The following CEMIP variants were observed in gnomAD, a reference collection of about 807,000 sequenced individuals.
The protein encoded by CEMIP is cell migration-inducing and hyaluronan-binding protein.
A neutral mutation model predicts 156.9 loss-of-function variants in CEMIP; 105 were observed. That is an observed-to-expected ratio of 0.67 (90% confidence interval 0.57 to 0.79). The LOEUF (loss-of-function observed/expected upper bound fraction) is 0.79. CEMIP is among the 30% of genes least tolerant of loss of function. The pLI, the probability that CEMIP is intolerant of heterozygous loss-of-function variation, is 0.00. For missense variants in CEMIP, 1,457 were observed against 1,769.4 expected (o/e 0.82, Z 3.17); for synonymous variants, 676 against 668.4 (o/e 1.01, Z -0.17).
intron 1 of CEMIP, among the ~76,000 whole-genome samples, chr15:80,800,316 C>G (rs1896344438): frequency 6.6e-6 from 1 of 152,096 alleles, no homozygotes; most frequent in African/African-American, 2.4e-5. Context: ...CGCCCTCTGT[C>G]TGGGACTGCC....
intron 19 of CEMIP, among the ~76,000 whole-genome samples, chr15:80,927,602 G>A (rs919045251): frequency 1.3e-5 from 2 of 152,218 alleles, no homozygotes; most frequent in African/African-American, 4.8e-5. Context: ...CTGCCAAAGT[G>A]TGTGTGTCTT....
At chr15:80,786,350 C>T (rs188302873) in intron 1 of CEMIP, among the ~76,000 whole-genome samples, 35 of 152,174 alleles carry the variant, frequency 2.3e-4, no homozygotes, top group Admixed American at 1.6e-3. Context: ...GATCCTCAAG[C>T]CCCCCAAGTA....
chr15:80,838,348 A>T (rs1250056080), intron 1 of CEMIP, among the ~76,000 whole-genome samples: 1 of 151,848 alleles, frequency 6.6e-6, no homozygotes, highest in Non-Finnish European at 1.5e-5. Flanking sequence ...CTGCCTCCAG[A>T]ACTGTGGCGA....
At chr15:80,926,427 G>A (rs756221382) in intron 19 of CEMIP, among the ~76,000 whole-genome samples, 8 of 152,150 alleles carry the variant, frequency 5.3e-5, no homozygotes, top group African/African-American at 1.7e-4. Context: ...TGTTAAAAAT[G>A]GGAAATCAGA....
chr15:80,811,657 C>T (rs80230010), intron 1 of CEMIP, among the ~76,000 whole-genome samples: 38,017 of 152,220 alleles, frequency 0.25, 4,920 homozygotes, highest in South Asian at 0.36. Flanking sequence ...CGGAGTCAAA[C>T]GATCCTCCTG....
intron 23 of CEMIP, among the ~76,000 whole-genome samples, chr15:80,934,650 G>A (rs1320692963): frequency 1.3e-5 from 2 of 152,174 alleles, no homozygotes; most frequent in African/African-American, 4.8e-5. Context: ...TTAGAAAGGA[G>A]CTAAATGGTG....
intron 1 of CEMIP, among the ~76,000 whole-genome samples, chr15:80,786,106 A>G (rs551881881): frequency 2.0e-5 from 3 of 152,326 alleles, no homozygotes; most frequent in East Asian, 1.9e-4. Flanking sequence ...GTTCTCTCAA[A>G]AAGTTCCACA....
chr15:80,855,512 T>TC (rs1264412374), intron 1 of CEMIP, among the ~76,000 whole-genome samples: 1 of 152,010 alleles, frequency 6.6e-6, no homozygotes, highest in Non-Finnish European at 1.5e-5. Context: ...TTTTTCTTTT[T>TC]CTTTTTTTTC....
intron 1 of CEMIP, among the ~76,000 whole-genome samples, chr15:80,854,923 G>A (rs1897811913): frequency 6.6e-6 from 1 of 152,190 alleles, no homozygotes; most frequent in African/African-American, 2.4e-5. Context: ...TGTCTATGGT[G>A]GCTCATGCCT....
intron 1 of CEMIP, among the ~76,000 whole-genome samples, chr15:80,794,315 A>C (rs1896160135): frequency 6.6e-6 from 1 of 152,152 alleles, no homozygotes; most frequent in South Asian, 2.1e-4. Flanking sequence ...TGTCTGACTC[A>C]TTCACTCATT....
chr15:80,872,172 G>C (rs776642592), intron 1 of CEMIP, among the ~76,000 whole-genome samples: 1 of 152,218 alleles, frequency 6.6e-6, no homozygotes, highest in South Asian at 2.1e-4. Context: ...TCGCTAAGCT[G>C]GTTCAAAGGG....
At chr15:80,942,153 C>A in intron 26 of CEMIP, 98 bp from the exon 27 acceptor site, 3 of 1,489,140 alleles carry the variant, frequency 2.0e-6, no homozygotes, top group Non-Finnish European at 2.8e-6. Flanking sequence ...GTCCCTCACT[C>A]AGCTCCATAA....
At chr15:80,811,666 T>C (rs1209227766) in intron 1 of CEMIP, among the ~76,000 whole-genome samples, 5 of 152,230 alleles carry the variant, frequency 3.3e-5, no homozygotes, top group Non-Finnish European at 7.3e-5. Flanking sequence ...ACGATCCTCC[T>C]GTCTCAGCCT....
At chr15:80,825,145 T>G (rs1432368744) in intron 1 of CEMIP, among the ~76,000 whole-genome samples, 1 of 152,200 alleles carries the variant, frequency 6.6e-6, no homozygotes, top group Non-Finnish European at 1.5e-5. Flanking sequence ...ACTTGTGATG[T>G]AGGTTTGAGA....
intron 13 of CEMIP, among the ~76,000 whole-genome samples, chr15:80,908,414 G>A (rs1899896555): frequency 6.6e-6 from 1 of 152,144 alleles, no homozygotes; most frequent in Non-Finnish European, 1.5e-5. Context: ...TTTAGTAGAG[G>A]TTAGCTGAGC....
At chr15:80,813,520 A>G (rs947591115) in intron 1 of CEMIP, among the ~76,000 whole-genome samples, 2 of 151,700 alleles carry the variant, frequency 1.3e-5, no homozygotes, top group Non-Finnish European at 2.9e-5. Context: ...TGATTTTTGT[A>G]TTTTTAGTAG....
At chr15:80,805,904 C>G (rs937828245) in intron 1 of CEMIP, among the ~76,000 whole-genome samples, 1 of 152,068 alleles carries the variant, frequency 6.6e-6, no homozygotes, top group Non-Finnish European at 1.5e-5. Flanking sequence ...TCACTTTTTC[C>G]CACTTTTTAA....
intron 1 of CEMIP, among the ~76,000 whole-genome samples, chr15:80,822,377 CT>C (rs1214424607): frequency 6.6e-6 from 1 of 152,192 alleles, no homozygotes; most frequent in Non-Finnish European, 1.5e-5. Context: ...TTTTGACAGT[CT>C]TCTCATATGT....
chr15:80,821,348 C>T (rs752167152), intron 1 of CEMIP, among the ~76,000 whole-genome samples: 160 of 152,124 alleles, frequency 1.1e-3, no homozygotes, highest in Non-Finnish European at 1.8e-3. Context: ...TATAAAAGTT[C>T]ATGTTAGGAA....
Sources: allele counts gnomAD v4.1 joint callset (sites outside exome capture counted in the v4.1 genomes callset), GRCh38; gene constraint gnomAD v4.1.1; transcripts MANE v1.5; gene names NCBI Gene and HGNC (gene_info 2026-07-23, HGNC 2026-07-21).